CELSR1: variants seen among roughly 807,000 people sequenced by gnomAD.
The protein encoded by CELSR1 is adhesion G protein-coupled receptor C1.
CELSR1 carries 110 observed loss-of-function variants against 249.1 expected under a neutral mutation model. The observed-to-expected ratio is 0.44, with a 90% confidence interval of 0.38 to 0.52. The LOEUF is 0.52. Ranked by LOEUF, CELSR1 falls within the 20% of genes least tolerant of loss-of-function variation. The pLI, the probability that CELSR1 is intolerant of heterozygous loss-of-function variation, is 0.00. For missense variants in CELSR1, 4,109 were observed against 4,296.4 expected (o/e 0.96, Z 1.22); for synonymous variants, 2,113 against 1,900.0 (o/e 1.11, Z -2.92).
At position 46,363,850 on chromosome 22, in the gene CELSR1, C is replaced by T; in HGVS notation, c.9035+146G>A. The T allele has an allele frequency of 8.9e-7, 1 of 1,129,834 alleles. No individual in the cohort carries two copies. Among genetic ancestry groups the T allele is most frequent in the Non-Finnish European group, 1.2e-6 (1 of 826,672 alleles). 70.0% of individuals were successfully genotyped at this position (1,129,834 alleles called of 1,614,324 possible). ...CTGACCTCAGCTGCAGCGCCTCCCC[C>T]CTCCCCCATCCCCGCCTGGGCTTCC... On this transcript the variant is annotated intron_variant, in intron 34 of 34. Transcript: ENST00000674500. This position sits in a 1 kb window ranked among gnomAD's most constrained non-coding sequence, Gnocchi z 4.3.
At chr22:46,442,448 T>G (rs2079762778) in intron 2 of CELSR1, among the ~76,000 whole-genome samples, 1 of 152,220 alleles carries the variant, frequency 6.6e-6, no homozygotes, top group Admixed American at 6.5e-5. Flanking sequence ...CTTGTATACC[T>G]GCAGGGCAGT....
chr22:46,384,745 G>A (rs1210421361), intron 19 of CELSR1, 59 bp from the exon 20 acceptor site: 5 of 1,526,256 alleles, frequency 3.3e-6, no homozygotes, highest in African/African-American at 1.4e-5. Context: ...AACCCCTGCT[G>A]TTTTCAAAAT....
At chr22:46,476,976 T>G (rs925149224) in intron 1 of CELSR1, among the ~76,000 whole-genome samples, 1 of 152,194 alleles carries the variant, frequency 6.6e-6, no homozygotes. Flanking sequence ...GAATTGATTC[T>G]TAGTAAAAAT....
At position 46,464,373 on chromosome 22, in the gene CELSR1, T is replaced by C. The variant is rs761547153; in HGVS notation, c.3545-28A>G. The C allele has an allele frequency of 8.2e-6, 13 of 1,594,244 alleles. No homozygotes were observed. The highest frequency in any genetic ancestry group is 1.0e-5 in the Non-Finnish European group (12 of 1,170,142). On this transcript the variant is annotated intron_variant, in intron 1 of 34. Coordinates refer to ENST00000674500, the MANE Select transcript of CELSR1 (RefSeq NM_001378328.1). This position sits in a 1 kb window ranked among gnomAD's most constrained non-coding sequence, Gnocchi z 8.5. Reference sequence around the variant, plus strand: ...GCAGACACAAGGAAAGTCAGGGTCATTCAGATGCTGCGGGAGTCACAGGTC... The same window carrying C: ...GCAGACACAAGGAAAGTCAGGGTCACTCAGATGCTGCGGGAGTCACAGGTC...
chr22:46,531,027 T>C (rs2080786353), intron 1 of CELSR1, among the ~76,000 whole-genome samples: 2 of 152,216 alleles, frequency 1.3e-5, no homozygotes, highest in African/African-American at 4.8e-5. Flanking sequence ...CATTGTTCCT[T>C]AATAAAACCT....
At chr22:46,376,975 G>T (rs1157722677) in intron 24 of CELSR1, 86 bp downstream of exon 24, 8 of 1,380,474 alleles carry the variant, frequency 5.8e-6, no homozygotes, top group South Asian at 2.4e-5. Flanking sequence ...GAGCTAGCCA[G>T]GGTGCTTGGA....
chr22:46,522,379 A>G (rs900808353), intron 1 of CELSR1, among the ~76,000 whole-genome samples: 3 of 152,174 alleles, frequency 2.0e-5, no homozygotes, highest in Non-Finnish European at 4.4e-5. Context: ...CCAAAGTGCC[A>G]GGATTATAGG....
chr22:46,525,097 T>A (rs1032270358), intron 1 of CELSR1, among the ~76,000 whole-genome samples: 2 of 152,180 alleles, frequency 1.3e-5, no homozygotes, highest in Non-Finnish European at 2.9e-5. Context: ...TGGCTTGAAC[T>A]TCCACCTGAA....
chr22:46,489,819 C>A (rs1303643139), intron 1 of CELSR1, among the ~76,000 whole-genome samples: 1 of 151,272 alleles, frequency 6.6e-6, no homozygotes, highest in Admixed American at 6.6e-5. Flanking sequence ...TGCTTGAACC[C>A]GGGAGACAGA....
At chr22:46,389,605 G>A (rs902251801) in intron 17 of CELSR1, 106 bp from the exon 18 acceptor site, 1 of 1,234,254 alleles carries the variant, frequency 8.1e-7, no homozygotes, top group African/African-American at 1.5e-5. Flanking sequence ...TTCCTTGTCA[G>A]AAAGGAACTT....
chr22:46,450,163 A>C (rs2079867179), intron 2 of CELSR1, among the ~76,000 whole-genome samples: 1 of 152,210 alleles, frequency 6.6e-6, no homozygotes, highest in African/African-American at 2.4e-5. Context: ...GTCCACTGCC[A>C]GTCAGGACCC....
chr22:46,397,453 A>G (rs969212741), intron 12 of CELSR1, among the ~76,000 whole-genome samples: 14 of 151,734 alleles, frequency 9.2e-5, no homozygotes. Flanking sequence ...TGATCACCCC[A>G]TGTGCTGAGG....
chr22:46,368,113 C>A (rs1270981371), intron 27 of CELSR1, among the ~76,000 whole-genome samples: 2 of 152,190 alleles, frequency 1.3e-5, no homozygotes, highest in Non-Finnish European at 2.9e-5. Context: ...AAAACAGGAG[C>A]TGTGAGGACT....
At chr22:46,487,860 TG>T (rs1278975644) in intron 1 of CELSR1, among the ~76,000 whole-genome samples, 1 of 76,330 alleles carries the variant, frequency 1.3e-5, no homozygotes, top group Admixed American at 1.7e-4. Flanking sequence ...AGGGTGCTAC[TG>T]GGGGTTGCGG....
chr22:46,396,800 G>A lies in CELSR1; in HGVS notation c.5702-54C>T. 7 of 1,584,514 alleles carry A rather than the reference G, an allele frequency of 4.4e-6. No homozygotes were observed. Among genetic ancestry groups the A allele is most frequent in the Middle Eastern group, 1.7e-4 (1 of 6,028 alleles). ...ACCCACAATCCACGAGACCTTCCAC[G>A]TTAAAATATCTGGAGCAACCTGTCC... is the stretch of plus-strand genomic sequence containing the variant. On this transcript the variant is annotated intron_variant, in intron 12 of 34. Coordinates refer to ENST00000674500, the MANE Select transcript of CELSR1 (RefSeq NM_001378328.1). The surrounding 1 kb of genome is among the most constrained non-coding windows in gnomAD (Gnocchi z 6.4).
chr22:46,419,723 T>G (rs1215083273), intron 5 of CELSR1, among the ~76,000 whole-genome samples: 1 of 152,210 alleles, frequency 6.6e-6, no homozygotes, highest in Non-Finnish European at 1.5e-5. Flanking sequence ...CACTCACGTG[T>G]GTACACTCAC....
In CELSR1 at chr22:46,437,602, T is replaced by G. The variant is rs573187527; in HGVS notation, c.4407-1313A>C. ...CCCGTCTCTACTAAAAATACGAAAA[T>G]TAGCCGGGCATGGTGGTGGGCACCT... On this transcript the variant is annotated intron_variant, in intron 3 of 34. Coordinates refer to ENST00000674500, the MANE Select transcript of CELSR1 (RefSeq NM_001378328.1). This position sits in a 1 kb window ranked among gnomAD's most constrained non-coding sequence, Gnocchi z 4.9. 3.4e-4 allele frequency among the ~76,000 whole-genome samples: 52 copies of G among 151,876 alleles called. No homozygotes were observed. The highest frequency in any genetic ancestry group is 1.1e-3 in the African/African-American group (44 of 41,420).
intron 14 of CELSR1, 76 bp downstream of exon 14, chr22:46,394,066 G>A (rs565819700): frequency 1.9e-4 from 298 of 1,550,710 alleles, no homozygotes; most frequent in Non-Finnish European, 2.5e-4. Flanking sequence ...ATGTGAAGGC[G>A]TGTGTGTATT....
rs2080454838 is a variant in CELSR1 at position 46,500,380 on chromosome 22, C to A, written c.3544+33247G>T. Among the ~76,000 whole-genome samples, 1 of 152,180 alleles carries A rather than the reference C, an allele frequency of 6.6e-6. No homozygotes were observed. The highest frequency in any genetic ancestry group is 2.1e-4 in the South Asian group (1 of 4,826). The stretch of plus-strand genomic sequence containing the variant: ...GCCCCCTCCCCCATGGCGCAGAGAT[C>A]ACATTTACAGCGGTGGCGGTAACCA... On this transcript the variant is annotated intron_variant, in intron 1 of 34. Coordinates refer to ENST00000674500, the MANE Select transcript of CELSR1 (RefSeq NM_001378328.1). This position sits in a 1 kb window ranked among gnomAD's most constrained non-coding sequence, Gnocchi z 4.9.
Sources: allele counts gnomAD v4.1 joint callset (sites outside exome capture counted in the v4.1 genomes callset), GRCh38; gene constraint gnomAD v4.1.1; non-coding constraint Gnocchi (gnomAD v3.1); transcripts MANE v1.5; gene names NCBI Gene and HGNC (gene_info 2026-07-23, HGNC 2026-07-21).